The following ZFPM1 variants were observed in gnomAD, a reference collection of about 807,000 sequenced individuals.
ZFPM1 encodes zinc finger protein, FOG family member 1.
ZFPM1 carries 28 observed loss-of-function variants against 46.3 expected under a neutral mutation model. The ratio of observed to expected loss-of-function variants is 0.60; its 90% CI spans 0.45 to 0.83. The LOEUF is 0.83. ZFPM1 is among the 40% of genes least tolerant of loss of function. The pLI is 0.00. For synonymous variants in ZFPM1, 957 were observed against 675.9 expected, an observed-to-expected ratio of 1.42 and a Z score of -6.45; for missense variants, 1,878 against 1,432.4, an observed-to-expected ratio of 1.31 and a Z score of -5.02.
In ZFPM1 at chr16:88,487,230, C is replaced by T. The variant is rs1025086242; in HGVS notation, c.145+1187C>T. ...GGTCAGCATGCTCACCCCCATTTTC[C>T]AAGGTCCGAGAGAGACAGCAGCAGG... On this transcript the variant is annotated intron_variant, in intron 2 of 9. Transcript: ENST00000319555. 7.2e-5 allele frequency among the ~76,000 whole-genome samples: 11 copies of T among 152,298 alleles called. No individual in the cohort carries two copies. The East Asian group carries it at 2.1e-3, about 29-fold the overall frequency.
rs549010484 is a variant in ZFPM1, at chr16:88,507,211, C to T, written c.269-7176C>T. ...CACTTGCTGGCTGTGTAACCTCCGACGTGGCCCCCAGCTTCTCAGGCCTTG... is the reference window on the plus strand; with the variant it reads ...CACTTGCTGGCTGTGTAACCTCCGATGTGGCCCCCAGCTTCTCAGGCCTTG... On this transcript the variant is annotated intron_variant, in intron 3 of 9. Transcript: ENST00000319555. Among the ~76,000 whole-genome samples the T allele has an allele frequency of 1.2e-4, 18 of 152,292 alleles. 1 individual carries two copies. In the South Asian group the frequency reaches 2.1e-3, roughly 18 times the overall value.
chr16:88,455,164 T>C (rs1353095292), intron 1 of ZFPM1, among the ~76,000 whole-genome samples: 2 of 150,714 alleles, frequency 1.3e-5, no homozygotes, highest in Non-Finnish European at 2.9e-5. Context: ...TGTGTGTGTG[T>C]GTGTGTGTGG....
At chr16:88,510,172 G>A (rs1333468297) in intron 3 of ZFPM1, among the ~76,000 whole-genome samples, 3 of 152,176 alleles carry the variant, frequency 2.0e-5, no homozygotes, top group Non-Finnish European at 4.4e-5. Flanking sequence ...TTCTCCATAT[G>A]GGTAAACTGA....
Position 88,534,737 on chromosome 16 carries a change from G to A in ZFPM1, c.2779G>A (p.Glu927Lys), listed in dbSNP as rs1913148519. 6.1e-6 allele frequency: 6 copies of A among 990,230 alleles called. No homozygotes were observed. Among genetic ancestry groups the A allele is most frequent in the Non-Finnish European group, 3.6e-6 (3 of 833,944 alleles). The allele number at this position is 990,230 out of a possible 1,614,324, so 61.3% of individuals were successfully genotyped here. The change falls in exon 10 of 10, where the codon GAG becomes AAG. Residue 927 changes from glutamate (E) to lysine (K), a missense_variant. Transcript: ENST00000319555. ...GGACGGCCTCGGCCCGGAGCCCCAG[G>A]AGCCGCCGCCCGGCCCGCCCCCGTC... ...PRDGLGPEPQEPPPGPPPSPA... is the reference protein window; with the variant it reads ...PRDGLGPEPQKPPPGPPPSPA...
intron 1 of ZFPM1, among the ~76,000 whole-genome samples, chr16:88,454,272 T>C (rs959084078): frequency 6.7e-6 from 1 of 149,772 alleles, no homozygotes; most frequent in Admixed American, 6.6e-5. Flanking sequence ...GGGGAGGGGG[T>C]AGCGCGCAGC....
At chr16:88,506,271 G>A (rs1199357135) in intron 3 of ZFPM1, among the ~76,000 whole-genome samples, 2 of 147,996 alleles carry the variant, frequency 1.4e-5, no homozygotes, top group African/African-American at 2.5e-5. Context: ...CAGGGGGCAG[G>A]GAGACCAGGG....
At chr16:88,519,184 G>A (rs939054114) in intron 4 of ZFPM1, among the ~76,000 whole-genome samples, 1 of 149,300 alleles carries the variant, frequency 6.7e-6, no homozygotes, top group Admixed American at 6.6e-5. Flanking sequence ...TGGATGGGTG[G>A]GTGGATGGGA....
chr16:88,463,565 G>A (rs1311370260), intron 1 of ZFPM1, among the ~76,000 whole-genome samples: 1 of 152,240 alleles, frequency 6.6e-6, no homozygotes, highest in African/African-American at 2.4e-5. Context: ...TCCTTCTCCC[G>A]GCAGCCTTTG....
chr16:88,476,021 A>G (rs1908666778), intron 1 of ZFPM1, among the ~76,000 whole-genome samples: 2 of 151,912 alleles, frequency 1.3e-5, no homozygotes, highest in African/African-American at 2.4e-5. Context: ...CCCCCTCCCA[A>G]TGCTGGTGCC....
At chr16:88,474,617 A>C (rs767367234) in intron 1 of ZFPM1, among the ~76,000 whole-genome samples, 36 of 151,974 alleles carry the variant, frequency 2.4e-4, no homozygotes, top group South Asian at 6.2e-4. Context: ...CTCTGCCCGG[A>C]GCTCTTCTCA....
chr16:88,492,652 C>T (rs1909643949), intron 3 of ZFPM1, among the ~76,000 whole-genome samples: 1 of 152,232 alleles, frequency 6.6e-6, no homozygotes, highest in Non-Finnish European at 1.5e-5. Flanking sequence ...CCAGGGAAAG[C>T]GACTGGGACT....
intron 1 of ZFPM1, among the ~76,000 whole-genome samples, chr16:88,454,542 G>A (rs184981069): frequency 1.3e-5 from 2 of 152,336 alleles, no homozygotes; most frequent in East Asian, 3.9e-4. Context: ...ACGCCACTAA[G>A]TTTCTCGCTG....
In ZFPM1 at chr16:88,482,666, C is replaced by T. The variant is rs139090898; in HGVS notation, c.41-3273C>T. 7.7e-3 allele frequency among the ~76,000 whole-genome samples: 1,175 copies of T among 152,242 alleles called. 7 individuals carry two copies. Among genetic ancestry groups the T allele is most frequent in the Non-Finnish European group, 0.011 (746 of 68,000 alleles). On this transcript the variant is annotated intron_variant, in intron 1 of 9. Transcript: ENST00000319555. Reference sequence around the variant, plus strand: ...GCCCCAGCCCCAGTGCTCTGGTCCCCGAAGTCCCTGAAGGCAGGTGGCCTC... The same window carrying T: ...GCCCCAGCCCCAGTGCTCTGGTCCCTGAAGTCCCTGAAGGCAGGTGGCCTC...
chr16:88,536,681 T>G lies in ZFPM1; in HGVS notation c.*1702T>G, dbSNP rs1042701579. 6.6e-6 allele frequency: 1 copy of G among 152,286 alleles called. No homozygotes were observed. The highest frequency in any genetic ancestry group is 1.5e-5 in the Non-Finnish European group (1 of 68,096). 9.4% of individuals were successfully genotyped at this position (152,286 alleles called of 1,614,324 possible). Reference sequence around the variant, plus strand: ...CTGATGTCTTTGTCCACCTGCCCACTAGGGTCTGGCCAGATGGGGCCCGTA... The same window carrying G: ...CTGATGTCTTTGTCCACCTGCCCACGAGGGTCTGGCCAGATGGGGCCCGTA... On this transcript the variant is annotated 3_prime_UTR_variant, in exon 10 of 10. Transcript: ENST00000319555.
At chr16:88,505,021 A>G (rs983172194) in intron 3 of ZFPM1, among the ~76,000 whole-genome samples, 1 of 152,236 alleles carries the variant, frequency 6.6e-6, no homozygotes, top group Non-Finnish European at 1.5e-5. Flanking sequence ...TCAGCCCGAT[A>G]AAGATGGGCT....
In ZFPM1 at chr16:88,471,034, A is replaced by T. The variant is rs1908394374; in HGVS notation, c.41-14905A>T. Among the ~76,000 whole-genome samples the T allele has an allele frequency of 6.6e-6, 1 of 152,142 alleles. No homozygotes were observed. The highest frequency in any genetic ancestry group is 1.5e-5 in the Non-Finnish European group (1 of 68,012). On this transcript the variant is annotated intron_variant, in intron 1 of 9. Coordinates refer to ENST00000319555, the MANE Select transcript of ZFPM1 (RefSeq NM_153813.3). The surrounding 1 kb of genome is among the most constrained non-coding windows in gnomAD (Gnocchi z 4.1). ...GTGGGGTCCAGCCTCCGCGACAGGC[A>T]TTCCCTTCCCCGTGTGCCCTTGCCA...
intron 3 of ZFPM1, among the ~76,000 whole-genome samples, chr16:88,491,931 A>G (rs767662297): frequency 6.6e-6 from 1 of 152,148 alleles, no homozygotes; most frequent in Non-Finnish European, 1.5e-5. Flanking sequence ...GATGGCCAGC[A>G]GGGTCAGTGG....
chr16:88,485,679 A>T (rs937113897), intron 1 of ZFPM1, among the ~76,000 whole-genome samples: 6 of 151,998 alleles, frequency 3.9e-5, no homozygotes, highest in African/African-American at 1.2e-4. Context: ...GACTCAAGCA[A>T]TCCTCCCACC....
At chr16:88,500,478 G>A (rs115200098) in intron 3 of ZFPM1, among the ~76,000 whole-genome samples, 319 of 152,372 alleles carry the variant, frequency 2.1e-3, no homozygotes, top group Middle Eastern at 0.01. Context: ...CGTGGGCACC[G>A]TGACTGTCAC....
Sources: allele counts gnomAD v4.1 joint callset (sites outside exome capture counted in the v4.1 genomes callset), GRCh38; gene constraint gnomAD v4.1.1; non-coding constraint Gnocchi (gnomAD v3.1); transcripts MANE v1.5; gene names NCBI Gene and HGNC (gene_info 2026-07-23, HGNC 2026-07-21).